Variants in RAB11FIP1 observed in about 807,000 individuals in gnomAD.
RAB11FIP1 encodes the protein rab11 family-interacting protein 1.
Under a neutral mutation model 83.1 loss-of-function variants are expected in RAB11FIP1, and 49 were observed. That is an observed-to-expected ratio of 0.59 (90% CI 0.47 to 0.75). The LOEUF is 0.75. Ranked by LOEUF, RAB11FIP1 falls within the 30% of genes least tolerant of loss-of-function variation. The probability of loss-of-function intolerance (pLI) is 0.00; values close to 1 mark genes in which losing one functional copy is unlikely to be tolerated. For synonymous variants in RAB11FIP1, 670 were observed against 656.0 expected (o/e 1.02, Z -0.33); for missense variants, 1,536 against 1,598.7 (o/e 0.96, Z 0.67).
At chr8:37,895,370 C>T (rs28679535) in intron 1 of RAB11FIP1, among the ~76,000 whole-genome samples, 110 of 136,264 alleles carry the variant, frequency 8.1e-4, no homozygotes, top group African/African-American at 2.8e-3. Flanking sequence ...CTCGGCCTCC[C>T]AAAGTGCTAG....
rs1563363775 is a variant in RAB11FIP1, at chr8:37,861,945, G to A, written c.*950C>T. On this transcript the variant is annotated 3_prime_UTR_variant, in exon 6 of 6. Transcript: ENST00000330843. ...GGACCCTGTCTCTGCCCCTTACAAG[G>A]AGTGTTGCTGAGGAAACCAGAGCAC... is the stretch of plus-strand genomic sequence containing the variant. The A allele has an allele frequency of 1.9e-5, 4 of 208,952 alleles. No individual in the cohort carries two copies. Among genetic ancestry groups the A allele is most frequent in the South Asian group, 1.3e-4 (2 of 15,970 alleles). 12.9% of individuals were successfully genotyped at this position (208,952 alleles called of 1,614,324 possible).
At chr8:37,889,558 A>G (rs1488937986) in intron 1 of RAB11FIP1, among the ~76,000 whole-genome samples, 1 of 152,220 alleles carries the variant, frequency 6.6e-6, no homozygotes, top group Admixed American at 6.5e-5. Flanking sequence ...CCTCACATAC[A>G]GAGACTTTAA....
intron 1 of RAB11FIP1, among the ~76,000 whole-genome samples, chr8:37,891,628 G>C (rs1439901897): frequency 6.6e-6 from 1 of 152,152 alleles, no homozygotes; most frequent in East Asian, 1.9e-4. Context: ...AAATACAATA[G>C]AAGTCTTTGT....
At chr8:37,884,287 A>G (rs1365058234) in intron 1 of RAB11FIP1, among the ~76,000 whole-genome samples, 1 of 151,832 alleles carries the variant, frequency 6.6e-6, no homozygotes, top group Admixed American at 6.6e-5. Context: ...CTGGTATCGA[A>G]CTCCTGACCT....
chr8:37,867,230 CATT>C (rs1255369476), intron 5 of RAB11FIP1, among the ~76,000 whole-genome samples: 1 of 152,216 alleles, frequency 6.6e-6, no homozygotes, highest in Non-Finnish European at 1.5e-5. Flanking sequence ...TGATAAATAT[CATT>C]AATTCCAGGA....
chr8:37,873,066 T>G lies in RAB11FIP1; in HGVS notation c.1736A>C (p.Glu579Ala). ...SSSGQASVPS[E>A]LGHGADTQSS... Reference sequence around the variant, plus strand: ...CTGTGTGTCTGCACCATGTCCCAATTCAGAGGGGACAGATGCCTGGCCAGA... The same window carrying G: ...CTGTGTGTCTGCACCATGTCCCAATGCAGAGGGGACAGATGCCTGGCCAGA... Residue 579 changes from glutamate to alanine, a missense_variant, in exon 4 of 6, where the codon GAA becomes GCA. By Grantham distance (107) the Glu-to-Ala change is moderately radical. Transcript: ENST00000330843. The G allele has an allele frequency of 6.2e-7, 1 of 1,614,096 alleles. No homozygotes were observed. The highest frequency in any genetic ancestry group is 1.1e-5 in the South Asian group (1 of 91,080).
rs1198704861 is a variant in RAB11FIP1 at position 37,872,343 on chromosome 8, G to T, written c.2459C>A (p.Ala820Glu). 2.5e-6 allele frequency: 4 copies of T among 1,614,174 alleles called. No homozygotes were observed. The South Asian group carries it at 4.4e-5, about 18-fold the overall frequency. ...SFSEQLFTEEAVAGAALLVEG... is the reference protein window; with the variant it reads ...SFSEQLFTEEEVAGAALLVEG... ...CACCAGCAAGGCAGCCCCCGCCACT[G>T]CCTCTTCCGTGAAGAGCTGCTCAGA... The change falls in exon 4 of 6, where the codon GCA becomes GAA. Residue 820 changes from alanine to glutamate, a missense_variant. Coordinates refer to ENST00000330843, the MANE Select transcript of RAB11FIP1 (RefSeq NM_001002814.3).
At chr8:37,895,260 T>TA (rs1232747968) in intron 1 of RAB11FIP1, among the ~76,000 whole-genome samples, 106 of 4,270 alleles carry the variant, frequency 0.025, no homozygotes, top group Non-Finnish European at 0.029. Flanking sequence ...TATATATATA[T>TA]TTTTTTTTTT....
In RAB11FIP1 at chr8:37,863,094, G is replaced by T. The variant is rs1806274356; in HGVS notation, c.3653C>A (p.Pro1218His). ...GGTCAGCTGCGCATATGCAAATGCA[G>T]GGTCCGAGGGGCTGTATTTCTTTGG... ...VMMKKYSPSD[P>H]AFAYAQLTHD... Residue 1218 changes from proline (P) to histidine (H), a missense_variant, in exon 6 of 6, where the codon CCT (proline) becomes CAT (histidine). By Grantham distance (77) the Pro-to-His change is moderately conservative. Transcript: ENST00000330843. The T allele has an allele frequency of 4.3e-6, 7 of 1,612,256 alleles. No individual in the cohort carries two copies. The highest frequency in any genetic ancestry group is 5.9e-6 in the Non-Finnish European group (7 of 1,179,948).
intron 1 of RAB11FIP1, among the ~76,000 whole-genome samples, chr8:37,881,114 A>G (rs763990692): frequency 2.6e-5 from 4 of 152,232 alleles, no homozygotes; most frequent in Non-Finnish European, 5.9e-5. Context: ...CACCTGTGGC[A>G]TACCTGACAC....
intron 5 of RAB11FIP1, among the ~76,000 whole-genome samples, chr8:37,863,703 T>C (rs1170003226): frequency 6.6e-6 from 1 of 152,218 alleles, no homozygotes; most frequent in Non-Finnish European, 1.5e-5. Flanking sequence ...TTTTGTTTTA[T>C]TTTGTTGTAT....
chr8:37,880,855 T>C (rs1047591942), intron 1 of RAB11FIP1, among the ~76,000 whole-genome samples: 4 of 152,154 alleles, frequency 2.6e-5, no homozygotes, highest in Non-Finnish European at 5.9e-5. Context: ...TATAGTGAGC[T>C]GTCCACCAGG....
Position 37,871,959 on chromosome 8 carries a change from T to G in RAB11FIP1, c.2843A>C (p.Lys948Thr). Residue 948 changes from lysine to threonine, a missense_variant, in exon 4 of 6, where the codon AAA (lysine) becomes ACA (threonine). Physicochemically the swap from Lys to Thr is moderately conservative, Grantham distance 78. Transcript: ENST00000330843. ...GTTCAGATCGGCCATGATTGGAGATTTAAAATCTGAGACCAACTGAAGGTC... is the reference window on the plus strand; with the variant it reads ...GTTCAGATCGGCCATGATTGGAGATGTAAAATCTGAGACCAACTGAAGGTC... Reference protein sequence around the residue: ...LSDLQLVSDFKSPIMADLNLS... With the variant: ...LSDLQLVSDFTSPIMADLNLS... 6.2e-7 allele frequency: 1 copy of G among 1,614,158 alleles called. No homozygotes were observed. The highest frequency in any genetic ancestry group is 1.1e-5 in the South Asian group (1 of 91,080).
intron 5 of RAB11FIP1, among the ~76,000 whole-genome samples, chr8:37,867,505 G>T (rs1325416943): frequency 6.6e-6 from 1 of 152,158 alleles, no homozygotes; most frequent in Non-Finnish European, 1.5e-5. Flanking sequence ...AGGAGTTCAA[G>T]ACCAGCCTGA....
At position 37,872,014 on chromosome 8, in the gene RAB11FIP1, G is replaced by C. The variant is rs1488081365; in HGVS notation, c.2788C>G (p.His930Asp). Residue 930 changes from histidine (H) to aspartate (D), a missense_variant, in exon 4 of 6, where the codon CAC (histidine) becomes GAC (aspartate). Transcript: ENST00000330843. ...VTQYQSKASD[H>D]EGLLSDPLSD... Reference sequence around the variant, plus strand: ...AAGGGGTCAGACAATAAACCTTCGTGGTCACTGGCTTTGCTCTGATACTGA... The same window carrying C: ...AAGGGGTCAGACAATAAACCTTCGTCGTCACTGGCTTTGCTCTGATACTGA... 6.2e-7 allele frequency: 1 copy of C among 1,613,996 alleles called. No homozygotes were observed. The highest frequency in any genetic ancestry group is 8.5e-7 in the Non-Finnish European group (1 of 1,180,024).
intron 1 of RAB11FIP1, 119 bp from the exon 2 acceptor site, chr8:37,877,670 T>A: frequency 1.6e-6 from 1 of 626,650 alleles, no homozygotes; most frequent in Middle Eastern, 3.3e-4. Context: ...GCATGCATTC[T>A]CATGCTTTCT....
rs1157948190 is a variant in RAB11FIP1 at position 37,860,774 on chromosome 8, G to A, written c.*2121C>T. The A allele has an allele frequency of 6.6e-6, 1 of 152,558 alleles. No homozygotes were observed. Among genetic ancestry groups the A allele is most frequent in the Non-Finnish European group, 1.5e-5 (1 of 68,024 alleles). 9.5% of individuals were successfully genotyped at this position (152,558 alleles called of 1,614,324 possible). A position where few individuals can be genotyped will look rare whatever the true frequency, so the allele number is the denominator to read the frequency against. The stretch of plus-strand genomic sequence containing the variant: ...ACAGTGGTCCCAGTACTGTAGGAGA[G>A]AATTAAATAAAATAAAATAGCTGTA... On this transcript the variant is annotated 3_prime_UTR_variant, in exon 6 of 6. Transcript: ENST00000330843.
intron 3 of RAB11FIP1, among the ~76,000 whole-genome samples, chr8:37,873,962 G>A (rs950940906): frequency 6.6e-6 from 1 of 152,012 alleles, no homozygotes; most frequent in Non-Finnish European, 1.5e-5. Flanking sequence ...TTGTCAGTAT[G>A]AATGTGATCA....
intron 5 of RAB11FIP1, among the ~76,000 whole-genome samples, chr8:37,864,679 T>G (rs562957470): frequency 6.6e-6 from 1 of 152,252 alleles, no homozygotes; most frequent in African/African-American, 2.4e-5. Context: ...CACCAACGTT[T>G]CCATAGACAG....
Sources: gnomAD v4.1 joint callset for allele counts (sites outside exome capture counted in the v4.1 genomes callset) on GRCh38, gnomAD v4.1.1 for gene constraint, MANE v1.5 for transcripts, NCBI Gene and HGNC (gene_info 2026-07-23, HGNC 2026-07-21) for gene names.